The following MED13L variants were observed in gnomAD, a reference collection of about 807,000 sequenced individuals.
The protein encoded by MED13L is mediator of RNA polymerase II transcription subunit 13-like.
In MED13L, 7 loss-of-function variants were observed where a neutral mutation model predicts 220.9. The observed-to-expected ratio is 0.03, with a 90% CI of 0.02 to 0.06. MED13L has a LOEUF of 0.06. MED13L is among the 10% of genes least tolerant of loss of function. The pLI is 1.00. For synonymous variants in MED13L, 1,011 were observed against 1,015.2 expected (o/e 1.00, Z 0.08); for missense variants, 1,965 against 2,760.5 (o/e 0.71, Z 6.46).
intron 4 of MED13L, among the ~76,000 whole-genome samples, chr12:116,027,951 T>C (rs1880502443): frequency 1.3e-5 from 2 of 152,214 alleles, no homozygotes; most frequent in South Asian, 4.1e-4. Context: ...ACAACTATCA[T>C]ATTTCTCTGA....
intron 4 of MED13L, among the ~76,000 whole-genome samples, chr12:116,059,433 T>G (rs902020455): frequency 2.0e-5 from 3 of 151,470 alleles, no homozygotes; most frequent in African/African-American, 7.3e-5. Flanking sequence ...TTTTTTTTTT[T>G]GGTGAGGAGT....
intron 4 of MED13L, among the ~76,000 whole-genome samples, chr12:116,042,440 C>G (rs1881590158): frequency 6.6e-6 from 1 of 152,136 alleles, no homozygotes; most frequent in Non-Finnish European, 1.5e-5. Context: ...CCCATACAGG[C>G]TGATTACTCA....
rs17580177 is a variant in MED13L at position 116,026,385 on chromosome 12, A to C, written c.480-3784T>G. 7.0e-3 allele frequency among the ~76,000 whole-genome samples: 1,070 copies of C among 152,336 alleles called. 61 individuals are homozygous for C. The East Asian group carries it at 0.13, about 19-fold the overall frequency. On this transcript the variant is annotated intron_variant, in intron 4 of 30. Coordinates refer to ENST00000281928, the MANE Select transcript of MED13L (RefSeq NM_015335.5). ...CTTAAAAAACAAAATGTCCTTTTAAAAGAGGCACTGAAAACAAGAAAAATA... is the reference window on the plus strand; with the variant it reads ...CTTAAAAAACAAAATGTCCTTTTAACAGAGGCACTGAAAACAAGAAAAATA...
chr12:116,108,457 A>G (rs1873794260), intron 3 of MED13L, among the ~76,000 whole-genome samples: 1 of 151,962 alleles, frequency 6.6e-6, no homozygotes, highest in South Asian at 2.1e-4. Context: ...ATCACCACAG[A>G]TAAGCAAGCA....
chr12:116,031,531 G>A (rs1439042924), intron 4 of MED13L, among the ~76,000 whole-genome samples: 1 of 143,086 alleles, frequency 7.0e-6, no homozygotes, highest in African/African-American at 2.6e-5. Flanking sequence ...GGTGGAGCTT[G>A]CAAGAAGCTG....
intron 4 of MED13L, among the ~76,000 whole-genome samples, chr12:116,055,964 A>T (rs993455971): frequency 1.3e-5 from 2 of 152,154 alleles, no homozygotes; most frequent in Admixed American, 1.3e-4. Context: ...ACTGACTTTA[A>T]TAAGATTCAC....
At chr12:116,274,419 C>CAA (rs1485927227) in intron 1 of MED13L, among the ~76,000 whole-genome samples, 1 of 70,790 alleles carries the variant, frequency 1.4e-5, no homozygotes, top group African/African-American at 5.7e-5. Flanking sequence ...CAAAAAAAAA[C>CAA]AAAACAAAAA....
intron 4 of MED13L, among the ~76,000 whole-genome samples, chr12:116,025,275 T>C (rs562600241): frequency 6.6e-6 from 1 of 152,208 alleles, no homozygotes; most frequent in South Asian, 2.1e-4. Flanking sequence ...TTATACACTG[T>C]TGGTGGGAAT....
chr12:116,092,201 T>C (rs1872281179), intron 4 of MED13L, among the ~76,000 whole-genome samples: 1 of 152,220 alleles, frequency 6.6e-6, no homozygotes, highest in South Asian at 2.1e-4. Context: ...GAAAAAATCA[T>C]AGATAGCTAC....
intron 3 of MED13L, among the ~76,000 whole-genome samples, chr12:116,100,037 AACATG>A (rs1333391058): frequency 6.6e-6 from 1 of 152,220 alleles, no homozygotes; most frequent in Non-Finnish European, 1.5e-5. Context: ...ATGAAAGGAA[AACATG>A]ACAGCAGAGA....
chr12:116,047,488 T>C (rs1352761074), intron 4 of MED13L, among the ~76,000 whole-genome samples: 1 of 152,242 alleles, frequency 6.6e-6, no homozygotes, highest in Non-Finnish European at 1.5e-5. Context: ...TTATCCAATA[T>C]GCATACATCA....
At chr12:116,122,690 T>C (rs1875202704) in intron 2 of MED13L, among the ~76,000 whole-genome samples, 1 of 152,178 alleles carries the variant, frequency 6.6e-6, no homozygotes, top group African/African-American at 2.4e-5. Flanking sequence ...ACAATTGCGA[T>C]TCAAAATTTT....
chr12:116,019,948 T>G lies in MED13L; in HGVS notation c.650A>C (p.Asn217Thr), dbSNP rs772021396. 4.8e-5 allele frequency: 78 copies of G among 1,613,564 alleles called. No individual in the cohort carries two copies. Among genetic ancestry groups the G allele is most frequent in the Non-Finnish European group, 6.4e-5 (75 of 1,179,846 alleles). Residue 217 changes from asparagine (N) to threonine (T), a missense_variant, in exon 6 of 31, where the codon AAT (asparagine) becomes ACT (threonine). By Grantham distance (65) the Asn-to-Thr change is moderately conservative. This residue lies in a region of MED13L where 818 missense variants were observed against 1,041.2 expected (regional missense o/e 0.79). Transcript: ENST00000281928. ...FQVLVSPYGLNGTLTGQAYKM... is the reference protein window; with the variant it reads ...FQVLVSPYGLTGTLTGQAYKM... ...GTATGCTTGGCCTGTTAGCGTCCCATTTAAGCCATAAGGACTTACCAGTAC... is the reference window on the plus strand; with the variant it reads ...GTATGCTTGGCCTGTTAGCGTCCCAGTTAAGCCATAAGGACTTACCAGTAC...
At chr12:115,990,950 A>T in intron 17 of MED13L, 70 bp downstream of exon 17, 2 of 1,536,356 alleles carry the variant, frequency 1.3e-6, no homozygotes, top group Non-Finnish European at 1.8e-6. Context: ...CAAATACAGT[A>T]AAGAAAGCTT....
intron 2 of MED13L, among the ~76,000 whole-genome samples, chr12:116,182,477 G>A (rs1260178980): frequency 6.6e-6 from 1 of 152,086 alleles, no homozygotes; most frequent in Non-Finnish European, 1.5e-5. Context: ...ACACCTATCA[G>A]CCTCTGTACT....
chr12:116,066,600 T>C (rs1869945250), intron 4 of MED13L, among the ~76,000 whole-genome samples: 1 of 152,186 alleles, frequency 6.6e-6, no homozygotes, highest in Non-Finnish European at 1.5e-5. Flanking sequence ...TATATACTTC[T>C]ATACTGTTAA....
At chr12:116,250,039 A>G (rs1404985231) in intron 1 of MED13L, among the ~76,000 whole-genome samples, 1 of 148,960 alleles carries the variant, frequency 6.7e-6, no homozygotes, top group Non-Finnish European at 1.5e-5. Context: ...AAAAAAAAAA[A>G]AAAAAAAAAA....
chr12:116,183,944 G>T (rs568058258), intron 2 of MED13L, among the ~76,000 whole-genome samples: 13 of 152,018 alleles, frequency 8.6e-5, no homozygotes, highest in African/African-American at 3.1e-4. Context: ...AAATTCTGAG[G>T]TTTGTACATT....
intron 3 of MED13L, among the ~76,000 whole-genome samples, chr12:116,110,933 T>A (rs1874027296): frequency 6.6e-6 from 1 of 152,218 alleles, no homozygotes; most frequent in South Asian, 2.1e-4. Context: ...TAAAGAGACA[T>A]GAAAACTAAA....
Sources: allele counts gnomAD v4.1 joint callset (sites outside exome capture counted in the v4.1 genomes callset), GRCh38; gene constraint gnomAD v4.1.1; regional missense constraint gnomAD v4.1.1; transcripts MANE v1.5; gene names NCBI Gene and HGNC (gene_info 2026-07-23, HGNC 2026-07-21).